The following ADGRB3 variants were observed in gnomAD, a reference collection of about 807,000 sequenced individuals.
The protein encoded by ADGRB3 is brain-specific angiogenesis inhibitor 3.
In ADGRB3, 37 loss-of-function variants were observed where a neutral mutation model predicts 193.4. The ratio of observed to expected loss-of-function variants is 0.19; its 90% CI spans 0.15 to 0.25. The LOEUF is 0.25. ADGRB3 is among the 10% of genes least tolerant of loss of function. The pLI is 1.00. For synonymous variants in ADGRB3, 690 were observed against 644.2 expected (o/e 1.07, Z -1.08); for missense variants, 1,637 against 1,852.9 (o/e 0.88, Z 2.14).
Position 69,080,657 on chromosome 6 carries a change from G to GA in ADGRB3, c.2480+4629dup, listed in dbSNP as rs3839464. 1.7e-3 allele frequency among the ~76,000 whole-genome samples: 244 copies of GA among 147,878 alleles called. 1 individual carries two copies. The highest frequency in any genetic ancestry group is 2.3e-3 in the Non-Finnish European group (154 of 66,476). On this transcript the variant is annotated intron_variant, in intron 17 of 31. Transcript: ENST00000370598. ...TTGAAGCCTTTTCGTGAGCAGCAAT[G>GA]AAAAAAAAAAGTCTGTATTAAAAAT...
intron 10 of ADGRB3, among the ~76,000 whole-genome samples, chr6:68,982,755 A>C (rs1768956866): frequency 6.6e-6 from 1 of 152,164 alleles, no homozygotes. Context: ...AAATCTCAGC[A>C]GGATTTTTAG....
At chr6:69,137,212 T>C (rs1774177863) in intron 17 of ADGRB3, among the ~76,000 whole-genome samples, 1 of 152,002 alleles carries the variant, frequency 6.6e-6, no homozygotes, top group Non-Finnish European at 1.5e-5. Flanking sequence ...AGTTATTTCC[T>C]CTTGTCTTTA....
At chr6:69,095,484 A>G (rs1772847657) in intron 17 of ADGRB3, among the ~76,000 whole-genome samples, 1 of 152,186 alleles carries the variant, frequency 6.6e-6, no homozygotes, top group African/African-American at 2.4e-5. Context: ...CAACATATTT[A>G]GTTAGTGAAA....
At chr6:68,712,921 A>T (rs977998279) in intron 3 of ADGRB3, among the ~76,000 whole-genome samples, 1 of 151,814 alleles carries the variant, frequency 6.6e-6, no homozygotes, top group Non-Finnish European at 1.5e-5. Context: ...AATTTTTTTT[A>T]TAAATTCATT....
intron 20 of ADGRB3, among the ~76,000 whole-genome samples, chr6:69,294,349 A>T (rs1403962776): frequency 6.6e-6 from 1 of 152,076 alleles, no homozygotes; most frequent in Non-Finnish European, 1.5e-5. Flanking sequence ...GTCATATTTC[A>T]AAAACTATTA....
chr6:69,210,691 A>T (rs1765644948), intron 17 of ADGRB3, among the ~76,000 whole-genome samples: 1 of 152,074 alleles, frequency 6.6e-6, no homozygotes, highest in Non-Finnish European at 1.5e-5. Flanking sequence ...CCAATGACTT[A>T]ATCATTTCTT....
chr6:69,188,978 G>A (rs897174040), intron 17 of ADGRB3, among the ~76,000 whole-genome samples: 19 of 152,056 alleles, frequency 1.2e-4, no homozygotes, highest in Non-Finnish European at 2.4e-4. Flanking sequence ...ATGCTCTTTG[G>A]TATTTTACAG....
chr6:68,856,665 A>G (rs552773494), intron 3 of ADGRB3, among the ~76,000 whole-genome samples: 81 of 152,284 alleles, frequency 5.3e-4, no homozygotes, highest in Middle Eastern at 3.4e-3. Context: ...TTCAGTTTTA[A>G]AAGGGAAACA....
At chr6:69,065,799 A>G (rs1015253584) in intron 16 of ADGRB3, among the ~76,000 whole-genome samples, 140 of 148,638 alleles carry the variant, frequency 9.4e-4, no homozygotes, top group Non-Finnish European at 1.9e-3. Context: ...ACACACACAC[A>G]TATGTACATA....
At chr6:68,816,332 C>T (rs574807451) in intron 3 of ADGRB3, among the ~76,000 whole-genome samples, 111 of 148,988 alleles carry the variant, frequency 7.5e-4, no homozygotes, top group Non-Finnish European at 1.4e-3. Context: ...TGAGTTATGA[C>T]ACTGTTAAAT....
intron 3 of ADGRB3, among the ~76,000 whole-genome samples, chr6:68,701,579 CTAT>C (rs1180268847): frequency 6.6e-6 from 1 of 152,128 alleles, no homozygotes; most frequent in Non-Finnish European, 1.5e-5. Flanking sequence ...GTTGGTGTGG[CTAT>C]TATTATAGCT....
At chr6:68,869,373 A>G (rs1765396346) in intron 3 of ADGRB3, among the ~76,000 whole-genome samples, 1 of 152,184 alleles carries the variant, frequency 6.6e-6, no homozygotes, top group Admixed American at 6.5e-5. Context: ...TTCAAGGAAT[A>G]TCTTTAGTTG....
chr6:69,149,739 G>A (rs945602074), intron 17 of ADGRB3, among the ~76,000 whole-genome samples: 7 of 152,184 alleles, frequency 4.6e-5, no homozygotes, highest in Middle Eastern at 3.4e-3. Context: ...ACCTAAGTCT[G>A]GGTCACTGCA....
intron 3 of ADGRB3, among the ~76,000 whole-genome samples, chr6:68,694,729 T>G (rs955965388): frequency 6.6e-6 from 1 of 152,018 alleles, no homozygotes; most frequent in Admixed American, 6.6e-5. Flanking sequence ...ATTTTGAACT[T>G]TCCTAACTCC....
intron 3 of ADGRB3, among the ~76,000 whole-genome samples, chr6:68,724,098 T>TA (rs564880605): frequency 0.048 from 7,080 of 146,178 alleles, 251 homozygotes; most frequent in African/African-American, 0.097. Context: ...CATGAAATAT[T>TA]AAAAAAAAAA....
intron 29 of ADGRB3, among the ~76,000 whole-genome samples, chr6:69,367,835 G>A (rs1769609437): frequency 6.6e-6 from 1 of 151,974 alleles, no homozygotes; most frequent in Admixed American, 6.6e-5. Context: ...ATGAATTCAT[G>A]TCCTTTGTAG....
At chr6:69,264,603 T>A (rs1244374419) in intron 20 of ADGRB3, among the ~76,000 whole-genome samples, 1 of 151,822 alleles carries the variant, frequency 6.6e-6, no homozygotes, top group Admixed American at 6.6e-5. Flanking sequence ...CTGATTATCC[T>A]CCTTGGACTC....
At chr6:68,672,863 G>C (rs1041694215) in intron 3 of ADGRB3, among the ~76,000 whole-genome samples, 2 of 152,094 alleles carry the variant, frequency 1.3e-5, no homozygotes, top group Non-Finnish European at 2.9e-5. Flanking sequence ...TCTGAGAAAA[G>C]ACTAAGGTCT....
chr6:69,064,774 T>C (rs942457220), intron 16 of ADGRB3, among the ~76,000 whole-genome samples: 12 of 152,060 alleles, frequency 7.9e-5, no homozygotes, highest in Non-Finnish European at 2.9e-5. Flanking sequence ...GAAATCATTA[T>C]TTAGAACTTA....
Sources: gnomAD v4.1 joint callset for allele counts (sites outside exome capture counted in the v4.1 genomes callset) on GRCh38, gnomAD v4.1.1 for gene constraint, MANE v1.5 for transcripts, NCBI Gene and HGNC (gene_info 2026-07-23, HGNC 2026-07-21) for gene names.